UNC13C: variants seen among roughly 807,000 people sequenced by gnomAD.
The protein encoded by UNC13C is unc-13 homolog C, also known as protein unc-13 homolog C.
A neutral mutation model predicts 245.4 loss-of-function variants in UNC13C; 174 were observed. That is an observed-to-expected ratio of 0.71 (90% CI 0.63 to 0.80). The LOEUF (loss-of-function observed/expected upper bound fraction) is 0.80. Among genes scored for constraint, UNC13C ranks in the 30% least tolerant of loss-of-function variants. UNC13C has a pLI of 0.00. For synonymous variants in UNC13C, 992 were observed against 895.1 expected, an observed-to-expected ratio of 1.11 and a Z score of -1.93; for missense variants, 2,829 against 2,602.9, an observed-to-expected ratio of 1.09 and a Z score of -1.89.
intron 1 of UNC13C, among the ~76,000 whole-genome samples, chr15:53,990,754 G>T (rs1366863067): frequency 6.6e-6 from 1 of 151,976 alleles, no homozygotes; most frequent in Non-Finnish European, 1.5e-5. Flanking sequence ...TGGCTTAACT[G>T]GGTGACGATG....
intron 2 of UNC13C, among the ~76,000 whole-genome samples, chr15:54,062,242 T>G (rs1161260545): frequency 6.6e-6 from 1 of 151,526 alleles, no homozygotes; most frequent in Non-Finnish European, 1.5e-5. Flanking sequence ...TCGCTTGAAC[T>G]TGGGAGGTGG....
chr15:54,590,135 T>C (rs1898708492), intron 30 of UNC13C, among the ~76,000 whole-genome samples: 1 of 152,198 alleles, frequency 6.6e-6, no homozygotes, highest in African/African-American at 2.4e-5. Flanking sequence ...TCTATTCTGT[T>C]CCATTGGTAT....
At chr15:53,902,277 A>C in the UNC13C span, among the ~76,000 whole-genome samples, 1 of 152,088 alleles carries the variant, frequency 6.6e-6, no homozygotes, top group South Asian at 2.1e-4. Flanking sequence ...CCCTAATCCC[A>C]CCTAGGTATA....
chr15:54,203,484 G>GTGTGTGTA (rs796426371), intron 4 of UNC13C, among the ~76,000 whole-genome samples: 20 of 139,750 alleles, frequency 1.4e-4, no homozygotes, highest in East Asian at 2.1e-4. Flanking sequence ...ATGTGTGTGT[G>GTGTGTGTA]TATATATATA....
At chr15:54,337,302 T>G (rs2038608187) in intron 16 of UNC13C, among the ~76,000 whole-genome samples, 1 of 152,242 alleles carries the variant, frequency 6.6e-6, no homozygotes, top group Non-Finnish European at 1.5e-5. Context: ...TATATTCTTC[T>G]GTAAGCTAAT....
At position 54,014,933 on chromosome 15, in the gene UNC13C, A is replaced by T. The variant is rs745685280; in HGVS notation, c.2030A>T (p.Asp677Val). 3 of 1,613,908 alleles carry T rather than the reference A, an allele frequency of 1.9e-6. No homozygotes were observed. The South Asian group carries it at 3.3e-5, about 18-fold the overall frequency. ...GLDSSTQEGF[D>V]YETNSLFDQQ... The stretch of plus-strand genomic sequence containing the variant: ...GATTCATCCACCCAGGAAGGTTTTG[A>T]TTATGAAACAAACAGTCTTTTTGAC... Residue 677 changes from aspartate (D) to valine (V), a missense_variant, in exon 2 of 33, where the codon GAT becomes GTT. Transcript: ENST00000260323.
At chr15:53,971,381 T>G in the UNC13C span, among the ~76,000 whole-genome samples, 5 of 152,156 alleles carry the variant, frequency 3.3e-5, no homozygotes, top group Non-Finnish European at 7.3e-5. Context: ...CTTCAAGACT[T>G]TCTCAGTGAT....
In UNC13C at chr15:54,143,622, T is replaced by C. The variant is rs2032125332; in HGVS notation, c.3009T>C (p.Ala1003=). The part of the protein sequence containing the change: ...AGDSSSVDEK[A]RIVSGNDLDA... ...TTTTCTCTTACTCTTCATTTAAGGC[T>C]CGAATAGTAAGTGGCAATGATTTGG... is the stretch of plus-strand genomic sequence containing the variant. Residue 1003 remains alanine, a splice_region_variant and synonymous_variant, in exon 4 of 33, where the codon GCT becomes GCC. Coordinates refer to ENST00000260323, the MANE Select transcript of UNC13C (RefSeq NM_001080534.3). 6.2e-7 allele frequency: 1 copy of C among 1,612,884 alleles called. No homozygotes were observed. The highest frequency in any genetic ancestry group is 1.7e-5 in the Admixed American group (1 of 59,948).
intron 10 of UNC13C, among the ~76,000 whole-genome samples, chr15:54,285,875 TTTTA>T (rs889618315): frequency 1.5e-4 from 23 of 152,004 alleles, no homozygotes; most frequent in African/African-American, 4.8e-4. Context: ...TAGTTACTTA[TTTTA>T]TTTATTTATT....
chr15:54,035,267 T>G (rs1417834037), intron 2 of UNC13C, among the ~76,000 whole-genome samples: 1 of 152,200 alleles, frequency 6.6e-6, no homozygotes, highest in Non-Finnish European at 1.5e-5. Flanking sequence ...ATATATTAAG[T>G]CAAACAAAAA....
chr15:54,055,662 A>G (rs927878437), intron 2 of UNC13C, among the ~76,000 whole-genome samples: 2 of 152,172 alleles, frequency 1.3e-5, no homozygotes, highest in Non-Finnish European at 2.9e-5. Flanking sequence ...AGAACTAATT[A>G]TCAAGATTTC....
chr15:54,055,310 A>G (rs999236075), intron 2 of UNC13C, among the ~76,000 whole-genome samples: 3 of 152,202 alleles, frequency 2.0e-5, no homozygotes, highest in South Asian at 2.1e-4. Context: ...CAATTATCAT[A>G]TCATATCATT....
At chr15:53,925,176 G>T in the UNC13C span, among the ~76,000 whole-genome samples, 1 of 151,434 alleles carries the variant, frequency 6.6e-6, no homozygotes, top group East Asian at 2.0e-4. Context: ...CAGCTGATGT[G>T]ACTGGGATGT....
In UNC13C at chr15:54,264,196, T is replaced by G. The variant is rs1325033198; in HGVS notation, c.3477T>G (p.Gly1159=). Residue 1159 remains glycine (G), a synonymous_variant, in exon 9 of 33, where the codon GGT becomes GGG. Transcript: ENST00000260323. ...QRAAEKSSKH[G]AEDKTQTIIT... ...CAGCAGAAAAGAGTTCTAAACATGGTGCCGAAGACAAGACTCAGACCATTA... is the reference window on the plus strand; with the variant it reads ...CAGCAGAAAAGAGTTCTAAACATGGGGCCGAAGACAAGACTCAGACCATTA... 3 of 1,585,498 alleles carry G rather than the reference T, an allele frequency of 1.9e-6. No individual in the cohort carries two copies. Among genetic ancestry groups the G allele is most frequent in the African/African-American group, 1.3e-5 (1 of 74,328 alleles).
intron 10 of UNC13C, among the ~76,000 whole-genome samples, chr15:54,275,381 A>G (rs1019314028): frequency 6.6e-6 from 1 of 152,170 alleles, no homozygotes; most frequent in African/African-American, 2.4e-5. Context: ...ACTATGTGAA[A>G]ATCACATCAT....
chr15:54,470,699 T>C (rs2141042246), intron 19 of UNC13C, among the ~76,000 whole-genome samples: 1 of 151,518 alleles, frequency 6.6e-6, no homozygotes, highest in Non-Finnish European at 1.5e-5. Context: ...AAGCCAATTT[T>C]TTGTTTCATT....
chr15:54,365,344 C>T (rs2039340375), intron 17 of UNC13C, among the ~76,000 whole-genome samples: 1 of 152,128 alleles, frequency 6.6e-6, no homozygotes, highest in African/African-American at 2.4e-5. Context: ...GATTATTGCA[C>T]AAGGTCCCTG....
At chr15:54,167,618 A>AAAAAAAAAAAAAAAAAAAAAAT (rs2033228246) in intron 4 of UNC13C, among the ~76,000 whole-genome samples, 1 of 149,100 alleles carries the variant, frequency 6.7e-6, no homozygotes, top group Non-Finnish European at 1.5e-5. Flanking sequence ...AAAAAAAAAA[A>AAAAAAAAAAAAAAAAAAAAAAT]AAAAAAGAAA....
At position 54,250,464 on chromosome 15, in the gene UNC13C, G is replaced by C; in HGVS notation, c.3448+20G>C. ...TGCAGAGTGAGTACTTGGTTTGGCT[G>C]AAAAAGTGGTATGCAGAGCCTGCCT... On this transcript the variant is annotated intron_variant, in intron 8 of 32. Transcript: ENST00000260323. 2 of 1,580,322 alleles carry C rather than the reference G, an allele frequency of 1.3e-6. No homozygotes were observed. The highest frequency in any genetic ancestry group is 1.7e-6 in the Non-Finnish European group (2 of 1,162,816).
Sources: gnomAD v4.1 joint callset for allele counts (sites outside exome capture counted in the v4.1 genomes callset) on GRCh38, gnomAD v4.1.1 for gene constraint, MANE v1.5 for transcripts, NCBI Gene and HGNC (gene_info 2026-07-23, HGNC 2026-07-21) for gene names.